The following TNR variants were observed in gnomAD, a reference collection of about 807,000 sequenced individuals.
TNR encodes the protein tenascin R, also known as tenascin-R.
TNR carries 45 observed loss-of-function variants against 150.4 expected under a neutral mutation model. The observed-to-expected ratio is 0.30, with a 90% confidence interval of 0.24 to 0.38. The LOEUF is 0.38. Ranked by LOEUF, TNR falls within the 10% of genes least tolerant of loss-of-function variation. TNR has a pLI of 1.00. For synonymous variants in TNR, 687 were observed against 678.4 expected (o/e 1.01, Z -0.20); for missense variants, 1,544 against 1,759.1 (o/e 0.88, Z 2.19).
At chr1:175,518,083 T>C (rs542613360) in intron 2 of TNR, among the ~76,000 whole-genome samples, 1 of 152,352 alleles carries the variant, frequency 6.6e-6, no homozygotes, top group East Asian at 1.9e-4. Flanking sequence ...CTTCATTCAT[T>C]CACTTCTTCT....
intron 14 of TNR, among the ~76,000 whole-genome samples, chr1:175,361,072 T>C (rs901823212): frequency 6.6e-6 from 1 of 152,198 alleles, no homozygotes; most frequent in Non-Finnish European, 1.5e-5. Context: ...GATTTTTTTT[T>C]CTTTTGAGAG....
At chr1:175,581,246 C>T (rs114123366) in intron 1 of TNR, among the ~76,000 whole-genome samples, 4,554 of 152,266 alleles carry the variant, frequency 0.03, 96 homozygotes, top group Middle Eastern at 0.075. Context: ...GTCTTTTCCT[C>T]CAGAGCAGGG....
intron 2 of TNR, among the ~76,000 whole-genome samples, chr1:175,523,183 C>T (rs770782634): frequency 2.0e-5 from 3 of 152,188 alleles, no homozygotes; most frequent in Non-Finnish European, 2.9e-5. Context: ...AATCCAGCAG[C>T]GCCTCTGTCA....
At chr1:175,496,055 G>C (rs1312673539) in intron 2 of TNR, among the ~76,000 whole-genome samples, 3 of 152,100 alleles carry the variant, frequency 2.0e-5, no homozygotes, top group African/African-American at 7.2e-5. Flanking sequence ...AGCCATTTTG[G>C]AATTGACGTG....
chr1:175,704,019 C>T (rs1666773957), intron 1 of TNR, among the ~76,000 whole-genome samples: 1 of 152,064 alleles, frequency 6.6e-6, no homozygotes, highest in East Asian at 1.9e-4. Flanking sequence ...ACAATGCATT[C>T]CTCTATTGTT....
chr1:175,441,027 T>G (rs1355037172), intron 2 of TNR, among the ~76,000 whole-genome samples: 1 of 152,106 alleles, frequency 6.6e-6, no homozygotes. Flanking sequence ...ATAGAATTTC[T>G]CTTTTGATTG....
At chr1:175,389,670 T>C (rs969140831) in intron 7 of TNR, among the ~76,000 whole-genome samples, 3 of 152,254 alleles carry the variant, frequency 2.0e-5, no homozygotes, top group Non-Finnish European at 4.4e-5. Context: ...TAAATAAATT[T>C]GTTACGCTTT....
intron 20 of TNR, among the ~76,000 whole-genome samples, chr1:175,331,170 C>T (rs1310513025): frequency 3.1e-4 from 13 of 42,190 alleles, no homozygotes; most frequent in East Asian, 1.8e-3. Flanking sequence ...TCTTTCCTTC[C>T]TTCCTTCCTT....
At chr1:175,583,332 A>G (rs1017490887) in intron 1 of TNR, among the ~76,000 whole-genome samples, 2 of 152,208 alleles carry the variant, frequency 1.3e-5, no homozygotes, top group African/African-American at 4.8e-5. Flanking sequence ...TGCCTGTGAG[A>G]GCTGAAGTAG....
At chr1:175,593,777 G>A (rs1662900152) in intron 1 of TNR, among the ~76,000 whole-genome samples, 1 of 152,106 alleles carries the variant, frequency 6.6e-6, no homozygotes, top group Admixed American at 6.5e-5. Flanking sequence ...CTGGCAAGTA[G>A]GGCCCAAGAT....
At chr1:175,525,109 T>A (rs1659799740) in intron 2 of TNR, among the ~76,000 whole-genome samples, 1 of 152,174 alleles carries the variant, frequency 6.6e-6, no homozygotes, top group Admixed American at 6.5e-5. Context: ...ATTCTCATGA[T>A]GGTGGGTGAG....
At chr1:175,737,782 C>T (rs1032379067) in intron 1 of TNR, among the ~76,000 whole-genome samples, 5 of 152,152 alleles carry the variant, frequency 3.3e-5, no homozygotes, top group African/African-American at 4.8e-5. Context: ...TTGGCAGTGC[C>T]CTGCTCTAGG....
intron 2 of TNR, among the ~76,000 whole-genome samples, chr1:175,526,690 G>T (rs140415310): frequency 6.6e-6 from 1 of 152,314 alleles, no homozygotes; most frequent in East Asian, 1.9e-4. Flanking sequence ...TTTAAAATAA[G>T]CTGCTTCAAA....
At chr1:175,469,813 C>T (rs1657203352) in intron 2 of TNR, among the ~76,000 whole-genome samples, 1 of 151,900 alleles carries the variant, frequency 6.6e-6, no homozygotes, top group South Asian at 2.1e-4. Context: ...CAATATGGCT[C>T]ATAGATTGGA....
Position 175,580,155 on chromosome 1 carries a change from C to G in TNR, c.-164-51786G>C, listed in dbSNP as rs916175422. ...AGCTGATGCAAGACAGCTTGACGCTCTCACATGAGGTGTGGCCAATTATTT... is the reference window on the plus strand; with the variant it reads ...AGCTGATGCAAGACAGCTTGACGCTGTCACATGAGGTGTGGCCAATTATTT... On this transcript the variant is annotated intron_variant, in intron 1 of 22. Transcript: ENST00000367674. Among the ~76,000 whole-genome samples, 3 of 152,330 alleles carry G rather than the reference C, an allele frequency of 2.0e-5. No homozygotes were observed. The East Asian group carries it at 5.8e-4, about 29-fold the overall frequency.
chr1:175,559,146 T>A (rs1661311635), intron 1 of TNR, among the ~76,000 whole-genome samples: 1 of 152,204 alleles, frequency 6.6e-6, no homozygotes, highest in South Asian at 2.1e-4. Context: ...ACAAAAATTC[T>A]TCTATGGGGA....
At chr1:175,710,214 G>A (rs1666968976) in intron 1 of TNR, among the ~76,000 whole-genome samples, 1 of 152,120 alleles carries the variant, frequency 6.6e-6, no homozygotes, top group Admixed American at 6.5e-5. Context: ...GCCAGGCCTA[G>A]AGTGATGGCA....
intron 20 of TNR, among the ~76,000 whole-genome samples, chr1:175,332,481 G>A (rs934397462): frequency 3.9e-5 from 6 of 152,208 alleles, no homozygotes; most frequent in Admixed American, 2.6e-4. Context: ...ATAAACTATG[G>A]GTCACAGTGT....
chr1:175,741,004 G>T (rs1667911236), intron 1 of TNR, among the ~76,000 whole-genome samples: 2 of 152,216 alleles, frequency 1.3e-5, no homozygotes, highest in African/African-American at 4.8e-5. Flanking sequence ...TAAGCCCAGA[G>T]AGCTCTTTAC....
Sources: allele counts gnomAD v4.1 joint callset (sites outside exome capture counted in the v4.1 genomes callset), GRCh38; gene constraint gnomAD v4.1.1; transcripts MANE v1.5; gene names NCBI Gene and HGNC (gene_info 2026-07-23, HGNC 2026-07-21).